Variants in NT5E observed in about 807,000 individuals in gnomAD.
NT5E encodes the protein 5'-nucleotidase ecto, also known as 5'-nucleotidase.
Under a neutral mutation model 55.1 loss-of-function variants are expected in NT5E, and 53 were observed. The observed-to-expected ratio is 0.96, with a 90% CI of 0.77 to 1.21. The LOEUF is 1.21. NT5E is among the 50% of genes most tolerant of loss of function. NT5E has a pLI of 0.00. For synonymous variants in NT5E, 270 were observed against 278.4 expected, an observed-to-expected ratio of 0.97 and a Z score of 0.30; for missense variants, 683 against 724.3, an observed-to-expected ratio of 0.94 and a Z score of 0.65.
intron 1 of NT5E, among the ~76,000 whole-genome samples, chr6:85,457,856 G>T (rs1390345076): frequency 6.6e-6 from 1 of 152,170 alleles, no homozygotes. Context: ...ATGGCCATTC[G>T]AGTTCCTCTT....
intron 1 of NT5E, 90 bp from the exon 2 acceptor site, chr6:85,466,970 C>A: frequency 1.6e-6 from 2 of 1,220,852 alleles, no homozygotes; most frequent in Non-Finnish European, 2.4e-6. Context: ...TGCAATATGT[C>A]TCATAGAGCT....
intron 1 of NT5E, among the ~76,000 whole-genome samples, chr6:85,451,079 G>C (rs1051440213): frequency 6.6e-6 from 1 of 152,126 alleles, no homozygotes; most frequent in Non-Finnish European, 1.5e-5. Context: ...ACTCTTTCTT[G>C]CCTCAGTTCT....
At chr6:85,474,254 G>A (rs111569082) in intron 3 of NT5E, among the ~76,000 whole-genome samples, 2,071 of 152,288 alleles carry the variant, frequency 0.014, 46 homozygotes, top group African/African-American at 0.048. Flanking sequence ...TTGTTATACT[G>A]TATTGTTTAG....
chr6:85,485,536 A>G, intron 4 of NT5E, 104 bp downstream of exon 4: 2 of 1,125,494 alleles, frequency 1.8e-6, no homozygotes, highest in Non-Finnish European at 2.7e-6. Context: ...AAAGACTATA[A>G]TACTGTTGAA....
At chr6:85,456,718 G>GT (rs1176110484) in intron 1 of NT5E, among the ~76,000 whole-genome samples, 1 of 152,172 alleles carries the variant, frequency 6.6e-6, no homozygotes, top group Non-Finnish European at 1.5e-5. Context: ...GATAACACCT[G>GT]AACTCTGGTA....
At chr6:85,468,148 T>C (rs1009502577) in intron 2 of NT5E, among the ~76,000 whole-genome samples, 1 of 152,338 alleles carries the variant, frequency 6.6e-6, no homozygotes, top group Non-Finnish European at 1.5e-5. Context: ...AAAGGACATA[T>C]AATTGACAAT....
At chr6:85,463,238 G>A (rs1769127936) in intron 1 of NT5E, among the ~76,000 whole-genome samples, 1 of 152,126 alleles carries the variant, frequency 6.6e-6, no homozygotes, top group African/African-American at 2.4e-5. Context: ...ACAGAAAAGT[G>A]CATTTGGTGA....
rs1357686769 is a variant in NT5E, at chr6:85,485,285, A to ACTT, written c.805_807dup (p.Ser269dup). 5 of 1,614,008 alleles carry ACTT rather than the reference A, an allele frequency of 3.1e-6. No individual in the cohort carries two copies. The African/African-American group carries it at 6.7e-5, about 22-fold the overall frequency. ...TGCTGGGAAGTACCCATTCATAGTC[A>ACTT]CTTCTGATGATGGGCGGAAGGTTCC... On this transcript the variant is annotated inframe_insertion, in exon 4 of 9. Transcript: ENST00000257770.
chr6:85,462,346 A>C (rs1030210880), intron 1 of NT5E, among the ~76,000 whole-genome samples: 3 of 152,068 alleles, frequency 2.0e-5, no homozygotes, highest in African/African-American at 4.8e-5. Flanking sequence ...GACACCATAC[A>C]GACCCTCCCT....
intron 3 of NT5E, among the ~76,000 whole-genome samples, chr6:85,477,214 G>T (rs1404988472): frequency 6.6e-6 from 1 of 152,152 alleles, no homozygotes; most frequent in Non-Finnish European, 1.5e-5. Flanking sequence ...TAGCCTGGAA[G>T]TGTCCATTAC....
chr6:85,493,779 T>G, intron 8 of NT5E, 62 bp from the exon 9 acceptor site: 1 of 1,416,442 alleles, frequency 7.1e-7, no homozygotes, highest in Non-Finnish European at 9.9e-7. Context: ...TACAAAGGAC[T>G]ACCTTACTGT....
chr6:85,489,599 G>T lies in NT5E; in HGVS notation c.1210G>T (p.Gly404Cys). The T allele has an allele frequency of 2.5e-6, 4 of 1,607,096 alleles. No homozygotes were observed. The highest frequency in any genetic ancestry group is 3.4e-6 in the Non-Finnish European group (4 of 1,174,030). The change falls in exon 6 of 9, where the codon GGC becomes TGC. Residue 404 changes from glycine to cysteine, a missense_variant and splice_region_variant. Transcript: ENST00000257770. ...IRSPIDERNN[G>C]TITWENLAAV... ...GTCGCCCATTGATGAACGCAACAAT[G>T]GTATGCTCCCAGGCCCAGCTCCTCA...
At position 85,487,394 on chromosome 6, in the gene NT5E, C is replaced by T; in HGVS notation, c.1009C>T (p.Gln337Ter). ...GATAAAATTGGATAATTATTCTACC[C>T]AGGAATTAGGGAAAACAATTGTCTA... ...WRIKLDNYST[Q>*]ELGKTIVYLD... Residue 337 changes from glutamine (Q) to a stop codon, truncating the protein, a stop_gained, in exon 5 of 9, where the codon CAG (glutamine) becomes TAG (stop). Coordinates refer to ENST00000257770, the MANE Select transcript of NT5E (RefSeq NM_002526.4). LOFTEE classifies it high-confidence loss of function. 1 of 1,613,542 alleles carries T rather than the reference C, an allele frequency of 6.2e-7. No homozygotes were observed. The highest frequency in any genetic ancestry group is 8.5e-7 in the Non-Finnish European group (1 of 1,179,522).
intron 1 of NT5E, among the ~76,000 whole-genome samples, chr6:85,462,264 C>G (rs938278679): frequency 6.6e-6 from 1 of 152,156 alleles, no homozygotes; most frequent in Admixed American, 6.5e-5. Context: ...CCAAGCACCC[C>G]CGGACTGCCT....
At chr6:85,480,760 C>T (rs1473602256) in intron 3 of NT5E, among the ~76,000 whole-genome samples, 2 of 152,134 alleles carry the variant, frequency 1.3e-5, no homozygotes, top group East Asian at 3.9e-4. Context: ...GTTAAAGATA[C>T]TAATAGCTTA....
intron 2 of NT5E, 80 bp downstream of exon 2, chr6:85,467,362 A>T: frequency 8.6e-7 from 1 of 1,167,288 alleles, no homozygotes; most frequent in Non-Finnish European, 1.3e-6. Context: ...TATGGACTGT[A>T]GATAAAAGTA....
rs371449832 is a variant in NT5E at position 85,493,913 on chromosome 6, G to A, written c.1634G>A (p.Arg545Gln). 3.0e-5 allele frequency: 49 copies of A among 1,613,812 alleles called. No individual in the cohort carries two copies. Among genetic ancestry groups the A allele is most frequent in the East Asian group, 4.5e-5 (2 of 44,868 alleles). ...GTAATTTATCCAGCAGTTGAAGGTC[G>A]GATCAAGTTTTCCACAGGAAGTCAC... The part of the protein sequence containing the change: ...MKVIYPAVEG[R>Q]IKFSTGSHCH... The change falls in exon 9 of 9, where the codon CGG (arginine) becomes CAG (glutamine). Residue 545 changes from arginine (R) to glutamine (Q), a missense_variant. Physicochemically the swap from Arg to Gln is conservative, Grantham distance 43 (BLOSUM62 1). Transcript: ENST00000257770.
At chr6:85,451,490 G>C (rs1438250617) in intron 1 of NT5E, among the ~76,000 whole-genome samples, 1 of 152,030 alleles carries the variant, frequency 6.6e-6, no homozygotes, top group African/African-American at 2.4e-5. Flanking sequence ...GTACAACCAA[G>C]ATGTATATAT....
chr6:85,451,092 C>A (rs1768847817), intron 1 of NT5E, among the ~76,000 whole-genome samples: 1 of 152,132 alleles, frequency 6.6e-6, no homozygotes, highest in Non-Finnish European at 1.5e-5. Context: ...TCAGTTCTAT[C>A]CTGTATAAAA....
Sources: gnomAD v4.1 joint callset for allele counts (sites outside exome capture counted in the v4.1 genomes callset) on GRCh38, gnomAD v4.1.1 for gene constraint, MANE v1.5 for transcripts, NCBI Gene and HGNC (gene_info 2026-07-23, HGNC 2026-07-21) for gene names.